PLG: variants seen among roughly 807,000 people sequenced by gnomAD.
The protein encoded by PLG is plasminogen.
Under a neutral mutation model 104.4 loss-of-function variants are expected in PLG, and 41 were observed. That is an observed-to-expected ratio of 0.39 (90% CI 0.31 to 0.51). PLG has a LOEUF of 0.51. Among genes scored for constraint, PLG ranks in the 20% least tolerant of loss-of-function variants. The pLI, the probability that PLG is intolerant of heterozygous loss-of-function variation, is 0.76. For missense variants in PLG, 891 were observed against 1,003.6 expected, an observed-to-expected ratio of 0.89 and a Z score of 1.52; for synonymous variants, 337 against 357.1, an observed-to-expected ratio of 0.94 and a Z score of 0.63.
rs1221648749 is a variant in PLG, at chr6:160,716,649, C to G, written c.673C>G (p.Pro225Ala). ...AAATCTTTCTTGTCCATTCAGATTT[C>G]CAAACAAGAACCTGAAGAAGAATTA... is the stretch of plus-strand genomic sequence containing the variant. ...HAHGYIPSKF[P>A]NKNLKKNYCR... The change falls in exon 7 of 19, where the codon CCA (proline) becomes GCA (alanine). Residue 225 changes from proline (P) to alanine (A), a missense_variant. Physicochemically the swap from Pro to Ala is conservative, Grantham distance 27 (BLOSUM62 -1). This residue lies in a region of PLG where 854 missense variants were observed against 932.1 expected (regional missense o/e 0.92). Transcript: ENST00000308192. 1 of 1,584,280 alleles carries G rather than the reference C, an allele frequency of 6.3e-7. No individual in the cohort carries two copies. Among genetic ancestry groups the G allele is most frequent in the Non-Finnish European group, 8.7e-7 (1 of 1,152,910 alleles).
At position 160,734,013 on chromosome 6, in the gene PLG, G is replaced by A; in HGVS notation, c.1606G>A (p.Gly536Ser). The change falls in exon 13 of 19, where the codon GGT (glycine) becomes AGT (serine). Residue 536 changes from glycine to serine, a missense_variant. Coordinates refer to ENST00000308192, the MANE Select transcript of PLG (RefSeq NM_000301.5). This position sits in a 1 kb window ranked among gnomAD's most constrained non-coding sequence, Gnocchi z 4.4. ...LEKNYCRNPD[G>S]DVGGPWCYTT... Reference sequence around the variant, plus strand: ...TTTTCAGTACTGCCGTAACCCTGATGGTGATGTAGGTGGTCCCTGGTGCTA... The same window carrying A: ...TTTTCAGTACTGCCGTAACCCTGATAGTGATGTAGGTGGTCCCTGGTGCTA... 2 of 1,607,048 alleles carry A rather than the reference G, an allele frequency of 1.2e-6. No individual in the cohort carries two copies. Among genetic ancestry groups the A allele is most frequent in the Non-Finnish European group, 1.7e-6 (2 of 1,173,796 alleles).
In PLG at chr6:160,725,087, T is replaced by A. The variant is rs1270617229; in HGVS notation, c.1256+2520T>A. Among the ~76,000 whole-genome samples, 1 of 152,064 alleles carries A rather than the reference T, an allele frequency of 6.6e-6. No homozygotes were observed. Among genetic ancestry groups the A allele is most frequent in the African/African-American group, 2.4e-5 (1 of 41,400 alleles). ...AAAATTAGCTGGGCATGGTGGCACGTGCCTGTAATCCCAGCAACTCAGGAG... is the reference window on the plus strand; with the variant it reads ...AAAATTAGCTGGGCATGGTGGCACGAGCCTGTAATCCCAGCAACTCAGGAG... On this transcript the variant is annotated intron_variant, in intron 10 of 18. Transcript: ENST00000308192. The surrounding 1 kb of genome is among the most constrained non-coding windows in gnomAD (Gnocchi z 6.3).
chr6:160,707,701 G>T lies in PLG; in HGVS notation c.187G>T (p.Ala63Ser). The stretch of plus-strand genomic sequence containing the variant: ...TGGATTTCCTGCTTCGTTCTGCAGG[G>T]CATTCCAATATCACAGTAAAGAGCA... ...CEEDEEFTCR[A>S]FQYHSKEQQC... The change falls in exon 3 of 19, where the codon GCA (alanine) becomes TCA (serine). Residue 63 changes from alanine (A) to serine (S), a missense_variant and splice_region_variant. Coordinates refer to ENST00000308192, the MANE Select transcript of PLG (RefSeq NM_000301.5). 1 of 1,607,342 alleles carries T rather than the reference G, an allele frequency of 6.2e-7. No individual in the cohort carries two copies. The highest frequency in any genetic ancestry group is 8.5e-7 in the Non-Finnish European group (1 of 1,175,670).
rs1408142658 is a variant in PLG at position 160,732,211 on chromosome 6, A to G, written c.1587+318A>G. Reference sequence around the variant, plus strand: ...TTCTAGTGTTTGTATGCTAGGTTCCAGTAATCAAAGATGCCCTTTATGAAA... The same window carrying G: ...TTCTAGTGTTTGTATGCTAGGTTCCGGTAATCAAAGATGCCCTTTATGAAA... On this transcript the variant is annotated intron_variant, in intron 12 of 18. Transcript: ENST00000308192. This position sits in a 1 kb window ranked among gnomAD's most constrained non-coding sequence, Gnocchi z 4.5. Among the ~76,000 whole-genome samples the G allele has an allele frequency of 6.6e-6, 1 of 152,186 alleles. No homozygotes were observed. The highest frequency in any genetic ancestry group is 1.5e-5 in the Non-Finnish European group (1 of 68,036).
chr6:160,704,818 C>T (rs187035415), intron 1 of PLG, among the ~76,000 whole-genome samples: 25 of 152,316 alleles, frequency 1.6e-4, no homozygotes, highest in Admixed American at 9.8e-4. Context: ...ATGCATCCAC[C>T]TCCCTGTCCT....
rs1392728704 is a variant in PLG at position 160,753,149 on chromosome 6, T to G, written c.*88T>G. On this transcript the variant is annotated 3_prime_UTR_variant, in exon 19 of 19. Coordinates refer to ENST00000308192, the MANE Select transcript of PLG (RefSeq NM_000301.5). This position sits in a 1 kb window ranked among gnomAD's most constrained non-coding sequence, Gnocchi z 5.4. ...GCATGCTGGAAATAACTGGCAGTAATCAAACGAAGACACTGTCCCCAGCTA... is the reference window on the plus strand; with the variant it reads ...GCATGCTGGAAATAACTGGCAGTAAGCAAACGAAGACACTGTCCCCAGCTA... The G allele has an allele frequency of 9.5e-6, 8 of 842,478 alleles. No individual in the cohort carries two copies. The highest frequency in any genetic ancestry group is 1.5e-5 in the Non-Finnish European group (8 of 517,142). 52.2% of individuals were successfully genotyped at this position (842,478 alleles called of 1,614,324 possible).
intron 3 of PLG, chr6:160,708,008 T>C (rs972167222): frequency 1.9e-6 from 1 of 539,386 alleles, no homozygotes; most frequent in Non-Finnish European, 3.4e-6. Context: ...AGATTTAATT[T>C]TTTTTGTTCA....
At chr6:160,703,846 C>G (rs577550566) in intron 1 of PLG, among the ~76,000 whole-genome samples, 49 of 152,322 alleles carry the variant, frequency 3.2e-4, no homozygotes, top group African/African-American at 1.1e-3. Context: ...TTTAACCCAC[C>G]TGGTGGGCAC....
intron 17 of PLG, among the ~76,000 whole-genome samples, chr6:160,748,580 G>A (rs945129493): frequency 6.6e-6 from 1 of 151,958 alleles, no homozygotes; most frequent in Non-Finnish European, 1.5e-5. Context: ...CAAGCACCAA[G>A]CACATGCTAA....
chr6:160,714,894 T>C lies in PLG; in HGVS notation c.648T>C (p.Ala216=). The change falls in exon 6 of 19, where the codon GCT becomes GCC. Residue 216 remains alanine (A), a synonymous_variant. Coordinates refer to ENST00000308192, the MANE Select transcript of PLG (RefSeq NM_000301.5). ...CQAWDSQSPH[A]HGYIPSKFPN... is the part of the protein sequence containing the mutation. ...CCTGGGACTCTCAGAGCCCACACGC[T>C]CATGGATACATTCCTTCCAAGTAAG... 1 of 1,613,876 alleles carries C rather than the reference T, an allele frequency of 6.2e-7. No homozygotes were observed. Among genetic ancestry groups the C allele is most frequent in the African/African-American group, 1.3e-5 (1 of 75,040 alleles).
intron 17 of PLG, among the ~76,000 whole-genome samples, chr6:160,743,307 C>T (rs1252689266): frequency 2.6e-5 from 4 of 152,074 alleles, no homozygotes; most frequent in African/African-American, 7.2e-5. Context: ...GGATGTTTTT[C>T]CATTCATTTG....
chr6:160,751,773 T>C (rs188767880), intron 17 of PLG, among the ~76,000 whole-genome samples: 1 of 152,214 alleles, frequency 6.6e-6, no homozygotes, highest in Non-Finnish European at 1.5e-5. Context: ...AAGAAGCATA[T>C]TAAAACATCT....
intron 9 of PLG, among the ~76,000 whole-genome samples, chr6:160,721,094 A>C (rs77438540): frequency 0.033 from 4,995 of 152,126 alleles, 273 homozygotes; most frequent in African/African-American, 0.11. Context: ...TCTTTGCTGA[A>C]ATTCTCTACC....
chr6:160,752,087 G>A lies in PLG; in HGVS notation c.2126-28G>A. ...TCCTGAATGTGTTTTGGGTGCAGTT[G>A]CCATTTCTTTCATCTTTTTAAACAC... On this transcript the variant is annotated intron_variant, in intron 17 of 18. Transcript: ENST00000308192. The surrounding 1 kb of genome is among the most constrained non-coding windows in gnomAD (Gnocchi z 4.7). The A allele has an allele frequency of 6.2e-7, 1 of 1,608,292 alleles. No homozygotes were observed.
At position 160,739,016 on chromosome 6, in the gene PLG, T is replaced by G; in HGVS notation, c.1878-52T>G. On this transcript the variant is annotated intron_variant, in intron 15 of 18. Coordinates refer to ENST00000308192, the MANE Select transcript of PLG (RefSeq NM_000301.5). The surrounding 1 kb of genome is among the most constrained non-coding windows in gnomAD (Gnocchi z 4.4). ...AGCACCAATTTCATGGCACAGAGGT[T>G]ACCTGAAGGGGCTGGACCATATTTT... 2 of 1,609,772 alleles carry G rather than the reference T, an allele frequency of 1.2e-6. No individual in the cohort carries two copies. Among genetic ancestry groups the G allele is most frequent in the Non-Finnish European group, 1.7e-6 (2 of 1,176,336 alleles).
At position 160,719,820 on chromosome 6, in the gene PLG, G is replaced by A. The variant is rs1458047520; in HGVS notation, c.1096+982G>A. On this transcript the variant is annotated intron_variant, in intron 9 of 18. Coordinates refer to ENST00000308192, the MANE Select transcript of PLG (RefSeq NM_000301.5). This position sits in a 1 kb window ranked among gnomAD's most constrained non-coding sequence, Gnocchi z 4.1. ...TGCTATACTATTACTCTTTGTAATA[G>A]AAGCTTACTTCTACTATGTCACAGA... Among the ~76,000 whole-genome samples the A allele has an allele frequency of 1.3e-5, 2 of 152,120 alleles. No individual in the cohort carries two copies. Among genetic ancestry groups the A allele is most frequent in the Non-Finnish European group, 2.9e-5 (2 of 68,024 alleles).
intron 1 of PLG, among the ~76,000 whole-genome samples, chr6:160,703,259 C>T (rs967926286): frequency 1.2e-4 from 14 of 119,194 alleles, no homozygotes; most frequent in Admixed American, 4.7e-4. Context: ...CCTAGTACTT[C>T]TTTTTCTTTA....
At chr6:160,707,346 C>T (rs762077490) in intron 2 of PLG, among the ~76,000 whole-genome samples, 64 of 152,116 alleles carry the variant, frequency 4.2e-4, no homozygotes, top group Admixed American at 1.8e-3. Context: ...GTTGGGAGGT[C>T]ATGGAGACGG....
chr6:160,706,481 G>A lies in PLG; in HGVS notation c.124G>A (p.Gly42Arg), dbSNP rs1445892890. ...GTTCAGTGTCACTAAGAAGCAGCTG[G>A]GAGCAGGAAGTATAGAAGAATGTGC... is the stretch of plus-strand genomic sequence containing the variant. ...SLFSVTKKQLGAGSIEECAAK... is the reference protein window; with the variant it reads ...SLFSVTKKQLRAGSIEECAAK... Residue 42 changes from glycine to arginine, a missense_variant, in exon 2 of 19, where the codon GGA (glycine) becomes AGA (arginine). Gly to Arg is a moderately radical substitution (Grantham distance 125). This residue lies in a region of PLG where 854 missense variants were observed against 932.1 expected (regional missense o/e 0.92). Coordinates refer to ENST00000308192, the MANE Select transcript of PLG (RefSeq NM_000301.5). 1 of 1,613,868 alleles carries A rather than the reference G, an allele frequency of 6.2e-7. No individual in the cohort carries two copies.
Sources: allele counts gnomAD v4.1 joint callset (sites outside exome capture counted in the v4.1 genomes callset), GRCh38; gene constraint gnomAD v4.1.1; regional missense constraint gnomAD v4.1.1; non-coding constraint Gnocchi (gnomAD v3.1); transcripts MANE v1.5; gene names NCBI Gene and HGNC (gene_info 2026-07-23, HGNC 2026-07-21).